Variants in IL1RAPL2 observed in about 807,000 individuals in gnomAD.
IL1RAPL2 encodes interleukin 1 receptor accessory protein like 2.
IL1RAPL2 carries 3 observed loss-of-function variants against 44.1 expected under a neutral mutation model. The ratio of observed to expected loss-of-function variants is 0.07; its 90% CI spans 0.03 to 0.18. The LOEUF (loss-of-function observed/expected upper bound fraction) is 0.18, where lower values mean the gene tolerates loss of function less well. Ranked by LOEUF, IL1RAPL2 falls within the 10% of genes least tolerant of loss-of-function variation. IL1RAPL2 has a pLI of 1.00. For missense variants in IL1RAPL2, 391 were observed against 496.4 expected (o/e 0.79, Z 2.02); for synonymous variants, 181 against 178.8 (o/e 1.01, Z -0.10).
chrX:104,756,970 T>C (rs1267470447), intron 2 of IL1RAPL2, among the ~76,000 whole-genome samples: 1 of 109,978 alleles, frequency 9.1e-6, no homozygotes, highest in African/African-American at 3.3e-5. Flanking sequence ...AAAGATGAGG[T>C]CAGAGAGGTA....
chrX:104,587,461 C>T (rs1378564210), intron 1 of IL1RAPL2, among the ~76,000 whole-genome samples: 1 of 111,350 alleles, frequency 9.0e-6, no homozygotes, highest in East Asian at 2.8e-4. Context: ...TGGAATCACC[C>T]CACTCTTAGA....
At chrX:105,368,508 A>G (rs2035312875) in intron 5 of IL1RAPL2, among the ~76,000 whole-genome samples, 1 of 111,910 alleles carries the variant, frequency 8.9e-6, no homozygotes, top group African/African-American at 3.2e-5. Context: ...ATATCATTCT[A>G]TTCCCTCTGG....
intron 2 of IL1RAPL2, among the ~76,000 whole-genome samples, chrX:104,805,970 A>G (rs1158788304): frequency 8.9e-6 from 1 of 111,954 alleles, no homozygotes; most frequent in Non-Finnish European, 1.9e-5. Context: ...CCCTGGCTGC[A>G]TATGAGAATC....
chrX:104,953,201 G>T (rs1327415465), intron 2 of IL1RAPL2, among the ~76,000 whole-genome samples: 1 of 111,758 alleles, frequency 8.9e-6, no homozygotes. Flanking sequence ...AATTGAGGAA[G>T]TCTTAGCCCT....
intron 6 of IL1RAPL2, among the ~76,000 whole-genome samples, chrX:105,681,787 G>GTCTT (rs747934914): frequency 3.6e-5 from 4 of 111,520 alleles, no homozygotes; most frequent in Non-Finnish European, 5.7e-5. Context: ...ATATCATTCA[G>GTCTT]TCTTATATAA....
At chrX:104,850,802 C>T (rs904190763) in intron 2 of IL1RAPL2, among the ~76,000 whole-genome samples, 50 of 110,360 alleles carry the variant, frequency 4.5e-4, no homozygotes, top group African/African-American at 1.6e-3. Context: ...AATAGAGAGA[C>T]AAAGAACTTA....
chrX:104,673,991 AT>A (rs1930681614), intron 2 of IL1RAPL2, among the ~76,000 whole-genome samples: 1 of 111,106 alleles, frequency 9.0e-6, no homozygotes, highest in Non-Finnish European at 1.9e-5. Flanking sequence ...GCTTAAGGAG[AT>A]TTTGGGCTGA....
chrX:105,009,958 A>G (rs994961191), intron 2 of IL1RAPL2, among the ~76,000 whole-genome samples: 1 of 110,580 alleles, frequency 9.0e-6, no homozygotes, highest in African/African-American at 3.3e-5. Context: ...TAATCTGTAC[A>G]TAACTTTTTA....
At chrX:105,135,784 G>C (rs2033071652) in intron 2 of IL1RAPL2, among the ~76,000 whole-genome samples, 1 of 111,402 alleles carries the variant, frequency 9.0e-6, no homozygotes. Context: ...TCCACAAGGA[G>C]ATATGTTATG....
chrX:104,578,804 C>A (rs960856926), intron 1 of IL1RAPL2, among the ~76,000 whole-genome samples: 2 of 110,426 alleles, frequency 1.8e-5, no homozygotes, highest in Non-Finnish European at 3.8e-5. Context: ...AAATGAGTCA[C>A]GTGAAAATGA....
At chrX:105,360,305 G>T (rs895584137) in intron 5 of IL1RAPL2, among the ~76,000 whole-genome samples, 8 of 110,942 alleles carry the variant, frequency 7.2e-5, no homozygotes, top group African/African-American at 2.0e-4. Flanking sequence ...CAATTGGATT[G>T]ATTTTATTCA....
intron 2 of IL1RAPL2, among the ~76,000 whole-genome samples, chrX:104,705,158 C>G (rs1931343813): frequency 8.9e-6 from 1 of 111,814 alleles, no homozygotes; most frequent in Admixed American, 9.5e-5. Context: ...TGCCATTTAA[C>G]TGGCACAACA....
chrX:105,407,287 G>T (rs1389944479), intron 5 of IL1RAPL2, among the ~76,000 whole-genome samples: 1 of 110,758 alleles, frequency 9.0e-6, no homozygotes, highest in Non-Finnish European at 1.9e-5. Flanking sequence ...ACTAGATATT[G>T]CTGCCTTTTG....
intron 2 of IL1RAPL2, among the ~76,000 whole-genome samples, chrX:104,717,943 G>T (rs5917128): frequency 0.37 from 40,425 of 109,333 alleles, 5,916 homozygotes; most frequent in East Asian, 0.46. Context: ...ACTCATCATT[G>T]TTATGGCTGC....
intron 6 of IL1RAPL2, among the ~76,000 whole-genome samples, chrX:105,528,463 G>C (rs1036525820): frequency 4.5e-5 from 5 of 111,813 alleles, no homozygotes; most frequent in African/African-American, 1.6e-4. Context: ...GCCTTTAGGT[G>C]AGACTGAATA....
At chrX:105,041,042 T>C (rs1258800857) in intron 2 of IL1RAPL2, among the ~76,000 whole-genome samples, 2 of 101,055 alleles carry the variant, frequency 2.0e-5, no homozygotes, top group South Asian at 1.0e-3. Flanking sequence ...CTCTACACAC[T>C]GCTTTGAATG....
intron 2 of IL1RAPL2, among the ~76,000 whole-genome samples, chrX:104,767,402 T>C (rs969938395): frequency 3.6e-5 from 4 of 112,018 alleles, no homozygotes; most frequent in African/African-American, 1.3e-4. Context: ...TCTCCAAAAC[T>C]GAAGACACAT....
intron 2 of IL1RAPL2, among the ~76,000 whole-genome samples, chrX:105,081,453 G>T (rs184191653): frequency 1.5e-4 from 17 of 111,416 alleles, no homozygotes; most frequent in African/African-American, 5.2e-4. Context: ...GTTAAAATCT[G>T]TTATTCTCAT....
chrX:104,821,784 G>T (rs1408764630), intron 2 of IL1RAPL2, among the ~76,000 whole-genome samples: 1 of 111,690 alleles, frequency 9.0e-6, no homozygotes, highest in East Asian at 2.8e-4. Context: ...TGGGTCAAAT[G>T]GTATTTCTAG....
Sources: gnomAD v4.1 joint callset for allele counts (sites outside exome capture counted in the v4.1 genomes callset) on GRCh38, gnomAD v4.1.1 for gene constraint, MANE v1.5 for transcripts, NCBI Gene and HGNC (gene_info 2026-07-23, HGNC 2026-07-21) for gene names.